Variants in NRXN3 observed in about 807,000 individuals in gnomAD.
The protein encoded by NRXN3 is neurexin III.
NRXN3 carries 32 observed loss-of-function variants against 137.6 expected under a neutral mutation model. The ratio of observed to expected loss-of-function variants is 0.23; its 90% confidence interval spans 0.18 to 0.31. The LOEUF is 0.31. Among genes scored for constraint, NRXN3 ranks in the 10% least tolerant of loss-of-function variants. The pLI, the probability that NRXN3 is intolerant of heterozygous loss-of-function variation, is 1.00. For missense variants in NRXN3, 1,574 were observed against 2,062.5 expected, an observed-to-expected ratio of 0.76 and a Z score of 4.59; for synonymous variants, 798 against 784.5, an observed-to-expected ratio of 1.02 and a Z score of -0.29.
intron 10 of NRXN3, among the ~76,000 whole-genome samples, chr14:78,868,705 C>G (rs1221010436): frequency 6.6e-6 from 1 of 151,984 alleles, no homozygotes; most frequent in Non-Finnish European, 1.5e-5. Flanking sequence ...CCTGTAATCC[C>G]AGCTACTCAG....
chr14:78,844,217 C>T (rs928148479), intron 10 of NRXN3, among the ~76,000 whole-genome samples: 12 of 152,068 alleles, frequency 7.9e-5, no homozygotes, highest in South Asian at 4.1e-4. Flanking sequence ...CTTCTCTCTC[C>T]GTCTAACTTA....
chr14:79,302,879 T>C (rs1173971943), intron 15 of NRXN3, among the ~76,000 whole-genome samples: 2 of 151,876 alleles, frequency 1.3e-5, no homozygotes, highest in Non-Finnish European at 2.9e-5. Flanking sequence ...TAGTTCTTTA[T>C]AGCAGTGTGG....
At chr14:79,563,931 A>G (rs1332805076) in intron 16 of NRXN3, among the ~76,000 whole-genome samples, 1 of 152,054 alleles carries the variant, frequency 6.6e-6, no homozygotes, top group Non-Finnish European at 1.5e-5. Context: ...ATTGCTGCCC[A>G]GATGAGTCCA....
chr14:78,251,306 T>C (rs1354181950), intron 2 of NRXN3, among the ~76,000 whole-genome samples: 1 of 152,240 alleles, frequency 6.6e-6, no homozygotes, highest in Non-Finnish European at 1.5e-5. Context: ...TTTCTTCTTG[T>C]CTATTCCTTT....
intron 4 of NRXN3, among the ~76,000 whole-genome samples, chr14:78,314,935 C>T (rs922049085): frequency 4.1e-5 from 5 of 120,716 alleles, no homozygotes; most frequent in African/African-American, 1.9e-4. Flanking sequence ...TTCTTTCTTT[C>T]TTTCTTTCTT....
At chr14:79,015,148 A>T (rs1180018446) in intron 15 of NRXN3, among the ~76,000 whole-genome samples, 2 of 151,988 alleles carry the variant, frequency 1.3e-5, no homozygotes, top group Non-Finnish European at 2.9e-5. Flanking sequence ...ACCTCTACTT[A>T]ATATCCCTGA....
intron 15 of NRXN3, among the ~76,000 whole-genome samples, chr14:78,991,313 C>T (rs143532346): frequency 9.2e-5 from 14 of 152,322 alleles, no homozygotes; most frequent in African/African-American, 1.9e-4. Flanking sequence ...CATTAAAAGT[C>T]GAGTGCCATC....
intron 15 of NRXN3, among the ~76,000 whole-genome samples, chr14:79,365,781 C>T (rs1489240666): frequency 1.4e-5 from 2 of 143,672 alleles, no homozygotes; most frequent in South Asian, 2.2e-4. Flanking sequence ...CATCTCGAAT[C>T]GATATTGTTT....
At chr14:79,307,508 T>G (rs1237153383) in intron 15 of NRXN3, among the ~76,000 whole-genome samples, 1 of 152,142 alleles carries the variant, frequency 6.6e-6, no homozygotes, top group Non-Finnish European at 1.5e-5. Flanking sequence ...TCAGGCTTTG[T>G]GGGTCAAAAA....
At chr14:78,655,317 A>G (rs918649816) in intron 6 of NRXN3, among the ~76,000 whole-genome samples, 3 of 152,248 alleles carry the variant, frequency 2.0e-5, no homozygotes, top group African/African-American at 7.2e-5. Context: ...ATAATTATTA[A>G]GGATTATATA....
At chr14:79,445,028 A>G (rs1204889928) in intron 15 of NRXN3, among the ~76,000 whole-genome samples, 2 of 152,160 alleles carry the variant, frequency 1.3e-5, no homozygotes, top group Non-Finnish European at 2.9e-5. Context: ...TCTTATTTTT[A>G]AAAATGAATT....
chr14:78,277,275 A>G (rs1016327073), intron 2 of NRXN3, among the ~76,000 whole-genome samples: 2 of 152,210 alleles, frequency 1.3e-5, no homozygotes, highest in African/African-American at 4.8e-5. Flanking sequence ...CTGTTCAGGC[A>G]GCAAATTAGA....
At chr14:79,767,018 T>C (rs2099058246) in intron 19 of NRXN3, among the ~76,000 whole-genome samples, 2 of 152,228 alleles carry the variant, frequency 1.3e-5, no homozygotes, top group African/African-American at 4.8e-5. Context: ...ACTTGCTCAC[T>C]TGTTTTTTGG....
At chr14:79,007,764 C>T (rs1370747850) in intron 15 of NRXN3, among the ~76,000 whole-genome samples, 1 of 145,470 alleles carries the variant, frequency 6.9e-6, no homozygotes, top group Non-Finnish European at 1.5e-5. Flanking sequence ...CGAGATCATG[C>T]CACTGCTCTC....
chr14:78,328,409 A>G (rs1044529410), intron 4 of NRXN3, among the ~76,000 whole-genome samples: 1 of 152,190 alleles, frequency 6.6e-6, no homozygotes, highest in South Asian at 2.1e-4. Flanking sequence ...AGTTGCATCA[A>G]TCATCATTAA....
chr14:79,486,333 G>A (rs906278188), intron 16 of NRXN3, among the ~76,000 whole-genome samples: 5 of 152,292 alleles, frequency 3.3e-5, no homozygotes, highest in African/African-American at 1.2e-4. Flanking sequence ...ATATATGTAT[G>A]TAGAATACAC....
At chr14:78,201,418 T>G (rs901231390) in intron 1 of NRXN3, among the ~76,000 whole-genome samples, 2 of 152,104 alleles carry the variant, frequency 1.3e-5, no homozygotes, top group African/African-American at 2.4e-5. Context: ...CTGGGCAACT[T>G]TGATGGAAAT....
intron 1 of NRXN3, among the ~76,000 whole-genome samples, chr14:78,225,815 C>T (rs947231810): frequency 6.6e-5 from 10 of 152,138 alleles, no homozygotes; most frequent in African/African-American, 2.4e-4. Context: ...CTAGCAAAAC[C>T]ATTCATTCTT....
chr14:79,793,012 A>G lies in NRXN3; in HGVS notation c.4015-12100A>G, dbSNP rs555698827. ...ATTAGAGAATACTCTCTGGAATGTT[A>G]TTAAATGGGTCTGGGCAGATAGAGA... On this transcript the variant is annotated intron_variant, in intron 19 of 20. Transcript: ENST00000335750. Among the ~76,000 whole-genome samples the G allele has an allele frequency of 6.6e-5, 10 of 152,288 alleles. No homozygotes were observed. The South Asian group carries it at 8.3e-4, about 13-fold the overall frequency.
Sources: allele counts gnomAD v4.1 joint callset (sites outside exome capture counted in the v4.1 genomes callset), GRCh38; gene constraint gnomAD v4.1.1; transcripts MANE v1.5; gene names NCBI Gene and HGNC (gene_info 2026-07-23, HGNC 2026-07-21).